Variants in SEMA6D observed in about 807,000 individuals in gnomAD.
SEMA6D encodes the protein semaphorin 6D, also known as semaphorin-6D.
A neutral mutation model predicts 106.6 loss-of-function variants in SEMA6D; 35 were observed. That is an observed-to-expected ratio of 0.33 (90% confidence interval 0.25 to 0.44). The LOEUF is 0.44. Ranked by LOEUF, SEMA6D falls within the 20% of genes least tolerant of loss-of-function variation. The pLI is 1.00. For synonymous variants in SEMA6D, 499 were observed against 487.7 expected (o/e 1.02, Z -0.31); for missense variants, 1,185 against 1,345.9 (o/e 0.88, Z 1.87).
intron 3 of SEMA6D, among the ~76,000 whole-genome samples, chr15:47,539,348 T>A (rs1797232): frequency 0.43 from 65,311 of 151,872 alleles, 14,953 homozygotes; most frequent in African/African-American, 0.59. Context: ...TAATGTTATA[T>A]TAATGCAATT....
intron 4 of SEMA6D, among the ~76,000 whole-genome samples, chr15:47,639,157 A>C (rs1406185040): frequency 6.6e-6 from 1 of 152,128 alleles, no homozygotes; most frequent in African/African-American, 2.4e-5. Context: ...ACCACCAGTG[A>C]CTGGATGTTT....
chr15:47,468,047 T>C (rs2042716355), intron 2 of SEMA6D, among the ~76,000 whole-genome samples: 1 of 152,068 alleles, frequency 6.6e-6, no homozygotes, highest in Non-Finnish European at 1.5e-5. Flanking sequence ...TAAATAATGG[T>C]CTTATGCCAC....
At chr15:47,378,496 AAAAAT>A (rs2039526004) in intron 1 of SEMA6D, among the ~76,000 whole-genome samples, 1 of 152,196 alleles carries the variant, frequency 6.6e-6, no homozygotes, top group South Asian at 2.1e-4. Context: ...ACCCTGTCTC[AAAAAT>A]AAAATAGAAT....
chr15:47,583,867 G>T (rs2076292806), intron 3 of SEMA6D, among the ~76,000 whole-genome samples: 1 of 152,186 alleles, frequency 6.6e-6, no homozygotes, highest in Non-Finnish European at 1.5e-5. Flanking sequence ...TACTGGGAGA[G>T]TCGGGTTCTT....
intron 3 of SEMA6D, among the ~76,000 whole-genome samples, chr15:47,485,693 G>A (rs1345841650): frequency 6.6e-6 from 1 of 152,104 alleles, no homozygotes; most frequent in Admixed American, 6.6e-5. Flanking sequence ...AAGCTAGCCT[G>A]TAACTCTCAC....
chr15:47,395,613 G>C (rs2040189496), intron 1 of SEMA6D: 1 of 152,186 alleles, frequency 6.6e-6, no homozygotes, highest in African/African-American at 2.4e-5. Context: ...CAGCAGGCAG[G>C]AGCTATCATG....
chr15:47,474,810 T>A (rs1036995109), intron 3 of SEMA6D, among the ~76,000 whole-genome samples: 1 of 152,206 alleles, frequency 6.6e-6, no homozygotes, highest in Non-Finnish European at 1.5e-5. Context: ...CTCTAGACAA[T>A]GACGTGTGAT....
chr15:47,544,418 A>G (rs971588642), intron 3 of SEMA6D, among the ~76,000 whole-genome samples: 1 of 152,286 alleles, frequency 6.6e-6, no homozygotes, highest in East Asian at 1.9e-4. Context: ...TCGAAATTGA[A>G]TATCTACTAT....
chr15:47,359,677 A>G (rs1250704826), intron 1 of SEMA6D: 2 of 152,194 alleles, frequency 1.3e-5, no homozygotes, highest in Admixed American at 1.3e-4. Flanking sequence ...TGAAAGAACG[A>G]AAGTAGAAAA....
At chr15:47,238,522 T>A (rs1002704688) in intron 1 of SEMA6D, among the ~76,000 whole-genome samples, 7 of 152,164 alleles carry the variant, frequency 4.6e-5, no homozygotes, top group African/African-American at 7.2e-5. Context: ...TAGCTGCCAA[T>A]ATTTGTATTT....
chr15:47,319,594 C>T (rs939648163), intron 1 of SEMA6D, among the ~76,000 whole-genome samples: 2 of 151,960 alleles, frequency 1.3e-5, no homozygotes, highest in East Asian at 1.9e-4. Flanking sequence ...CAGAGTGTGC[C>T]GGTGTTGGAT....
At chr15:47,332,678 G>C (rs966732843) in intron 1 of SEMA6D, among the ~76,000 whole-genome samples, 1 of 152,156 alleles carries the variant, frequency 6.6e-6, no homozygotes, top group African/African-American at 2.4e-5. Context: ...TTTTCTTAAG[G>C]AGTGATATGG....
intron 3 of SEMA6D, among the ~76,000 whole-genome samples, chr15:47,516,157 G>A (rs2059474): frequency 0.26 from 39,542 of 151,968 alleles, 5,673 homozygotes; most frequent in East Asian, 0.47. Flanking sequence ...TAATGACTCT[G>A]CACATCCTGG....
chr15:47,763,751 A>G (rs1597064674), intron 9 of SEMA6D, 99 bp from the exon 10 acceptor site: 3 of 1,020,918 alleles, frequency 2.9e-6, no homozygotes, highest in East Asian at 2.4e-5. Flanking sequence ...AACCAGATGT[A>G]TCTTTAGTAT....
At chr15:47,445,073 C>T (rs965388162) in intron 2 of SEMA6D, among the ~76,000 whole-genome samples, 1 of 152,064 alleles carries the variant, frequency 6.6e-6, no homozygotes, top group African/African-American at 2.4e-5. Context: ...CCAATCATCC[C>T]CAGCCAAACT....
intron 1 of SEMA6D, among the ~76,000 whole-genome samples, chr15:47,309,257 A>AT (rs2036349566): frequency 6.6e-6 from 1 of 152,192 alleles, no homozygotes; most frequent in African/African-American, 2.4e-5. Context: ...AATGTTTAAA[A>AT]TTTCACACTA....
At chr15:47,327,591 G>T (rs2037179862) in intron 1 of SEMA6D, among the ~76,000 whole-genome samples, 1 of 152,158 alleles carries the variant, frequency 6.6e-6, no homozygotes, top group South Asian at 2.1e-4. Flanking sequence ...CTTTTGACTT[G>T]GGACTTATAA....
At chr15:47,276,107 A>G (rs1471641090) in intron 1 of SEMA6D, among the ~76,000 whole-genome samples, 1 of 152,192 alleles carries the variant, frequency 6.6e-6, no homozygotes, top group East Asian at 1.9e-4. Flanking sequence ...GAAGAAGCTA[A>G]GAAGAAAAGT....
chr15:47,752,422 C>T (rs1309027872), intron 1 of SEMA6D, among the ~76,000 whole-genome samples: 1 of 152,106 alleles, frequency 6.6e-6, no homozygotes, highest in Non-Finnish European at 1.5e-5. Context: ...GGAACTAGAA[C>T]ACAGAAAGTA....
Sources: allele counts gnomAD v4.1 joint callset (sites outside exome capture counted in the v4.1 genomes callset), GRCh38; gene constraint gnomAD v4.1.1; transcripts MANE v1.5; gene names NCBI Gene and HGNC (gene_info 2026-07-23, HGNC 2026-07-21).